The following MCPH1 variants were observed in gnomAD, a reference collection of about 807,000 sequenced individuals.
The protein encoded by MCPH1 is microcephalin.
MCPH1 carries 104 observed loss-of-function variants against 84.5 expected under a neutral mutation model. The ratio of observed to expected loss-of-function variants is 1.23; its 90% confidence interval spans 1.05 to 1.45. MCPH1 has a LOEUF of 1.45. MCPH1 is among the 40% of genes most tolerant of loss of function. The probability of loss-of-function intolerance (pLI) is 0.00; values close to 1 mark genes in which losing one functional copy is unlikely to be tolerated. For missense variants in MCPH1, 1,498 were observed against 1,005.7 expected, an observed-to-expected ratio of 1.49 and a Z score of -6.62; for synonymous variants, 514 against 366.8, an observed-to-expected ratio of 1.40 and a Z score of -4.58.
At chr8:6,600,962 C>T (rs1829313621) in intron 12 of MCPH1, among the ~76,000 whole-genome samples, 1 of 152,196 alleles carries the variant, frequency 6.6e-6, no homozygotes, top group Admixed American at 6.5e-5. Context: ...CACAGCAGTG[C>T]AGAGGCAGAT....
chr8:6,532,911 T>G (rs1261941151), intron 12 of MCPH1, among the ~76,000 whole-genome samples: 1 of 152,196 alleles, frequency 6.6e-6, no homozygotes, highest in Non-Finnish European at 1.5e-5. Context: ...ACTATTTCTC[T>G]CACATTCTAG....
intron 9 of MCPH1, among the ~76,000 whole-genome samples, chr8:6,472,671 G>C (rs1321268962): frequency 6.6e-6 from 1 of 151,940 alleles, no homozygotes; most frequent in Non-Finnish European, 1.5e-5. Flanking sequence ...TTTCGCCATG[G>C]TGTCCAGGCT....
chr8:6,466,528 C>G (rs978962008), intron 9 of MCPH1, among the ~76,000 whole-genome samples: 9 of 152,138 alleles, frequency 5.9e-5, no homozygotes, highest in Non-Finnish European at 1.2e-4. Flanking sequence ...AGGATGGTCT[C>G]ACTCTCCTGA....
intron 13 of MCPH1, among the ~76,000 whole-genome samples, chr8:6,636,796 C>T (rs1384151391): frequency 1.3e-5 from 2 of 152,128 alleles, no homozygotes; most frequent in East Asian, 3.8e-4. Context: ...AAAATGCCAC[C>T]CACCACCCCC....
chr8:6,431,379 G>C (rs1404863941), intron 3 of MCPH1, 120 bp from the exon 4 acceptor site: 4 of 739,654 alleles, frequency 5.4e-6, no homozygotes, highest in Non-Finnish European at 9.3e-6. Flanking sequence ...TTTTTTAAAA[G>C]TCTGTTAAAA....
intron 9 of MCPH1, 62 bp downstream of exon 9, chr8:6,455,314 T>C: frequency 8.4e-7 from 1 of 1,186,406 alleles, no homozygotes; most frequent in East Asian, 2.3e-5. Context: ...TGTTCTTCTC[T>C]GGGTCAATGA....
At chr8:6,431,693 A>C (rs1801865303) in intron 4 of MCPH1, 107 bp downstream of exon 4, 1 of 735,986 alleles carries the variant, frequency 1.4e-6, no homozygotes, top group Non-Finnish European at 2.3e-6. Flanking sequence ...GAGTTGTCTT[A>C]AATATGCTAT....
intron 9 of MCPH1, among the ~76,000 whole-genome samples, chr8:6,456,650 T>C (rs540440124): frequency 7.4e-4 from 104 of 141,336 alleles, no homozygotes; most frequent in African/African-American, 3.1e-3. Context: ...CGTTGTACCA[T>C]GTCTGGCTTT....
At chr8:6,421,756 A>T (rs1233796322) in intron 3 of MCPH1, among the ~76,000 whole-genome samples, 3 of 151,976 alleles carry the variant, frequency 2.0e-5, no homozygotes. Context: ...TTTCCCCTTT[A>T]CAGAAGTTTG....
intron 4 of MCPH1, 37 bp downstream of exon 4, chr8:6,431,623 G>A (rs1801855387): frequency 2.9e-6 from 4 of 1,357,370 alleles, no homozygotes; most frequent in Non-Finnish European, 4.2e-6. Context: ...ATGGCAATTA[G>A]GAATTTATTC....
At chr8:6,429,022 T>C (rs1006764080) in intron 3 of MCPH1, among the ~76,000 whole-genome samples, 5 of 152,212 alleles carry the variant, frequency 3.3e-5, no homozygotes, top group African/African-American at 1.2e-4. Context: ...CCCCTCTGAG[T>C]GCACCTCACT....
In MCPH1 at chr8:6,521,149, G is replaced by A. The variant is rs756831601; in HGVS notation, c.2214+21220G>A. The A allele has an allele frequency of 1.4e-5, 22 of 1,583,530 alleles. No individual in the cohort carries two copies. In the East Asian group the frequency reaches 1.8e-4, roughly 13 times the overall value. On this transcript the variant is annotated intron_variant, in intron 12 of 13. Coordinates refer to ENST00000344683, the MANE Select transcript of MCPH1 (RefSeq NM_024596.5). ...GTTTTACTGACTAAAGGTTATTAAC[G>A]CTGAAGAAAGCATGATATGTAAACT... is the stretch of plus-strand genomic sequence containing the variant.
intron 3 of MCPH1, among the ~76,000 whole-genome samples, chr8:6,422,574 C>G (rs1488898974): frequency 6.6e-6 from 1 of 152,226 alleles, no homozygotes; most frequent in Non-Finnish European, 1.5e-5. Flanking sequence ...GCCCCTGACT[C>G]ATTCTCTATC....
chr8:6,605,549 C>T (rs1660950363), intron 12 of MCPH1, among the ~76,000 whole-genome samples: 2 of 152,196 alleles, frequency 1.3e-5, no homozygotes, highest in Non-Finnish European at 2.9e-5. Context: ...AATAACAATA[C>T]TGTGCTTTGA....
At chr8:6,576,237 C>T (rs1827082351) in intron 12 of MCPH1, among the ~76,000 whole-genome samples, 1 of 151,990 alleles carries the variant, frequency 6.6e-6, no homozygotes, top group Non-Finnish European at 1.5e-5. Context: ...AAAGTGTTTC[C>T]TAGAAGTACT....
chr8:6,487,190 A>G (rs1810039102), intron 11 of MCPH1, among the ~76,000 whole-genome samples: 1 of 152,260 alleles, frequency 6.6e-6, no homozygotes, highest in South Asian at 2.1e-4. Flanking sequence ...TCAGCTTTAC[A>G]ACAAAATGTC....
At chr8:6,551,865 C>T (rs926186068) in intron 12 of MCPH1, among the ~76,000 whole-genome samples, 1 of 152,182 alleles carries the variant, frequency 6.6e-6, no homozygotes, top group Non-Finnish European at 1.5e-5. Context: ...ACCAACATTT[C>T]CCATTAAGAC....
intron 2 of MCPH1, among the ~76,000 whole-genome samples, chr8:6,410,116 C>T (rs907333670): frequency 3.9e-5 from 6 of 151,942 alleles, no homozygotes; most frequent in Admixed American, 6.6e-5. Context: ...ACTACAGGCA[C>T]ATGCCACCAT....
intron 11 of MCPH1, among the ~76,000 whole-genome samples, chr8:6,489,199 G>T (rs1023447029): frequency 3.3e-5 from 5 of 152,222 alleles, no homozygotes; most frequent in Admixed American, 1.3e-4. Context: ...CAGAGGAAAG[G>T]TTAACTATTC....
Sources: gnomAD v4.1 joint callset for allele counts (sites outside exome capture counted in the v4.1 genomes callset) on GRCh38, gnomAD v4.1.1 for gene constraint, MANE v1.5 for transcripts, NCBI Gene and HGNC (gene_info 2026-07-23, HGNC 2026-07-21) for gene names.